Variants in SLC9A9 observed in about 807,000 individuals in gnomAD.
SLC9A9 encodes the protein sodium/hydrogen exchanger 9.
Under a neutral mutation model 77.8 loss-of-function variants are expected in SLC9A9, and 62 were observed. The observed-to-expected ratio is 0.80, with a 90% confidence interval of 0.65 to 0.98. The LOEUF (loss-of-function observed/expected upper bound fraction) is 0.98. Among genes scored for constraint, SLC9A9 ranks in the 50% least tolerant of loss-of-function variants. The pLI is 0.00. For missense variants in SLC9A9, 775 were observed against 774.9 expected (o/e 1.00, Z 0.00); for synonymous variants, 320 against 283.5 (o/e 1.13, Z -1.29).
intron 11 of SLC9A9, among the ~76,000 whole-genome samples, chr3:143,487,446 T>G (rs1345264826): frequency 6.6e-6 from 1 of 151,792 alleles, no homozygotes; most frequent in African/African-American, 2.4e-5. Context: ...CAGAACAATC[T>G]ACCCAACGAC....
intron 1 of SLC9A9, among the ~76,000 whole-genome samples, chr3:143,833,552 C>A (rs2009492498): frequency 6.6e-6 from 1 of 152,112 alleles, no homozygotes. Context: ...AGTTGGGATC[C>A]AGTTTGCACA....
rs151157760 is a variant in SLC9A9, at chr3:143,593,132, G to T, written c.756-14409C>A. ...GTTAAAACTAGAGAACTGTGCATAC[G>T]GTTCATAAAGAAGAAAGGACGTAGG... On this transcript the variant is annotated intron_variant, in intron 6 of 15. Transcript: ENST00000316549. Among the ~76,000 whole-genome samples, 92 of 152,282 alleles carry T rather than the reference G, an allele frequency of 6.0e-4. 1 individual carries two copies. In the East Asian group the frequency reaches 0.017, roughly 27 times the overall value.
intron 4 of SLC9A9, among the ~76,000 whole-genome samples, chr3:143,695,078 A>G (rs918545528): frequency 2.6e-5 from 4 of 152,144 alleles, no homozygotes; most frequent in Non-Finnish European, 5.9e-5. Flanking sequence ...GCTCATCCAC[A>G]CTTATCCAGA....
intron 2 of SLC9A9, among the ~76,000 whole-genome samples, chr3:143,820,394 C>G (rs74808969): frequency 0.033 from 5,091 of 152,284 alleles, 103 homozygotes; most frequent in Non-Finnish European, 0.053. Context: ...CTATGTTTTG[C>G]GTAAGATTCT....
In SLC9A9 at chr3:143,358,231, T is replaced by G. The variant is rs191923605; in HGVS notation, c.1604+5253A>C. The stretch of plus-strand genomic sequence containing the variant: ...CTTAAGAATGGGAAATGCAAGCATT[T>G]TCAGCATCCACACATCCTGCTGTGG... On this transcript the variant is annotated intron_variant, in intron 14 of 15. Coordinates refer to ENST00000316549, the MANE Select transcript of SLC9A9 (RefSeq NM_173653.4). Among the ~76,000 whole-genome samples the G allele has an allele frequency of 2.0e-5, 3 of 152,272 alleles. No homozygotes were observed. The East Asian group carries it at 5.8e-4, about 29-fold the overall frequency.
intron 9 of SLC9A9, among the ~76,000 whole-genome samples, chr3:143,543,719 T>C (rs2036733075): frequency 8.0e-6 from 1 of 124,644 alleles, no homozygotes; most frequent in Admixed American, 7.7e-5. Context: ...AAGCACATGA[T>C]TTCATTCTTC....
rs538686520 is a variant in SLC9A9 at position 143,652,935 on chromosome 3, C to T, written c.650-575G>A. ...CCTTTCTGGATCCCAGCATTTGGAT[C>T]AAATCACTGAACTTACCACAGAAAG... On this transcript the variant is annotated intron_variant, in intron 5 of 15. Transcript: ENST00000316549. 2.0e-5 allele frequency among the ~76,000 whole-genome samples: 3 copies of T among 152,266 alleles called. No individual in the cohort carries two copies. In the East Asian group the frequency reaches 5.8e-4, roughly 29 times the overall value.
intron 12 of SLC9A9, among the ~76,000 whole-genome samples, chr3:143,462,120 A>C (rs894989679): frequency 2.0e-5 from 3 of 152,210 alleles, no homozygotes; most frequent in African/African-American, 7.2e-5. Context: ...TAATGCCAGC[A>C]CTTCGGAAGT....
intron 6 of SLC9A9, chr3:143,620,569 A>G (rs2038188167): frequency 6.6e-6 from 1 of 152,294 alleles, no homozygotes; most frequent in South Asian, 2.1e-4. Flanking sequence ...AGACTCAGCA[A>G]GAACTCAGAG....
chr3:143,685,536 TC>T (rs1186936093), intron 5 of SLC9A9, among the ~76,000 whole-genome samples: 4 of 152,112 alleles, frequency 2.6e-5, no homozygotes, highest in Non-Finnish European at 5.9e-5. Context: ...TGTATTTGAG[TC>T]TCAATGCAGC....
intron 12 of SLC9A9, among the ~76,000 whole-genome samples, chr3:143,403,719 TTGTG>T (rs1198545281): frequency 6.6e-6 from 1 of 152,350 alleles, no homozygotes; most frequent in East Asian, 1.9e-4. Flanking sequence ...TGGAGTTCTC[TTGTG>T]TGTGATGAAT....
chr3:143,309,700 G>A (rs951010840), intron 14 of SLC9A9, among the ~76,000 whole-genome samples: 3 of 152,138 alleles, frequency 2.0e-5, no homozygotes, highest in Non-Finnish European at 2.9e-5. Flanking sequence ...GTCTTGTGGG[G>A]ATATCTAGTC....
chr3:143,418,266 C>T (rs1268171235), intron 12 of SLC9A9, among the ~76,000 whole-genome samples: 3 of 151,542 alleles, frequency 2.0e-5, no homozygotes, highest in African/African-American at 7.3e-5. Flanking sequence ...ACTCGCTGTG[C>T]CTTAGTTTTC....
chr3:143,431,643 G>A (rs754607173), intron 12 of SLC9A9, among the ~76,000 whole-genome samples: 2 of 151,974 alleles, frequency 1.3e-5, no homozygotes, highest in South Asian at 4.2e-4. Context: ...CACCATGCCC[G>A]GCTAATTTTT....
intron 9 of SLC9A9, among the ~76,000 whole-genome samples, chr3:143,546,664 C>A (rs1054626742): frequency 1.3e-5 from 2 of 152,112 alleles, no homozygotes; most frequent in Non-Finnish European, 2.9e-5. Context: ...TAGTAAGAGG[C>A]AACATAGTTT....
intron 6 of SLC9A9, among the ~76,000 whole-genome samples, chr3:143,587,442 C>A (rs893972671): frequency 2.6e-5 from 4 of 152,164 alleles, no homozygotes; most frequent in Non-Finnish European, 5.9e-5. Flanking sequence ...TAAGTGGAGT[C>A]CTGAATGAAA....
chr3:143,555,734 T>A (rs913194048), intron 8 of SLC9A9, among the ~76,000 whole-genome samples: 3 of 152,236 alleles, frequency 2.0e-5, no homozygotes, highest in Admixed American at 2.0e-4. Flanking sequence ...GGGCTTATCA[T>A]TGGAGAATAT....
At chr3:143,297,649 G>T (rs2030333921) in intron 14 of SLC9A9, among the ~76,000 whole-genome samples, 1 of 152,128 alleles carries the variant, frequency 6.6e-6, no homozygotes, top group East Asian at 1.9e-4. Context: ...CACAGCATGT[G>T]TTTCCATTTG....
chr3:143,345,154 T>G (rs2032222857), intron 14 of SLC9A9, among the ~76,000 whole-genome samples: 1 of 152,210 alleles, frequency 6.6e-6, no homozygotes, highest in Non-Finnish European at 1.5e-5. Flanking sequence ...ATCAAATAAG[T>G]TCCATCTATA....
Sources: gnomAD v4.1 joint callset for allele counts (sites outside exome capture counted in the v4.1 genomes callset) on GRCh38, gnomAD v4.1.1 for gene constraint, MANE v1.5 for transcripts, NCBI Gene and HGNC (gene_info 2026-07-23, HGNC 2026-07-21) for gene names.